Variants in RAVER2 observed in about 807,000 individuals in gnomAD.
RAVER2 encodes ribonucleoprotein, PTB binding 2, also known as ribonucleoprotein PTB-binding 2.
RAVER2 carries 46 observed loss-of-function variants against 78.1 expected under a neutral mutation model. That is an observed-to-expected ratio of 0.59 (90% CI 0.46 to 0.75). RAVER2 has a LOEUF of 0.75. Ranked by LOEUF, RAVER2 falls within the 30% of genes least tolerant of loss-of-function variation. The pLI, the probability that RAVER2 is intolerant of heterozygous loss-of-function variation, is 0.00. For missense variants in RAVER2, 793 were observed against 837.5 expected, an observed-to-expected ratio of 0.95 and a Z score of 0.66; for synonymous variants, 311 against 313.3, an observed-to-expected ratio of 0.99 and a Z score of 0.08.
chr1:64,781,121 A>G (rs1273979294), intron 3 of RAVER2, among the ~76,000 whole-genome samples: 1 of 152,220 alleles, frequency 6.6e-6, no homozygotes, highest in Non-Finnish European at 1.5e-5. Context: ...TATAGAGACT[A>G]TTACCATCTG....
chr1:64,791,097 A>G (rs896651877), intron 5 of RAVER2, among the ~76,000 whole-genome samples: 4 of 152,200 alleles, frequency 2.6e-5, no homozygotes, highest in African/African-American at 9.7e-5. Flanking sequence ...TTTTATTATA[A>G]AGAGCACAGG....
At chr1:64,791,715 A>C (rs1652946712) in intron 5 of RAVER2, among the ~76,000 whole-genome samples, 1 of 152,198 alleles carries the variant, frequency 6.6e-6, no homozygotes, top group Non-Finnish European at 1.5e-5. Flanking sequence ...GAAGGATTAG[A>C]AGCTCATTAC....
chr1:64,775,615 C>G (rs1371002542), intron 2 of RAVER2, among the ~76,000 whole-genome samples: 1 of 152,118 alleles, frequency 6.6e-6, no homozygotes, highest in Non-Finnish European at 1.5e-5. Context: ...CAGGAAGGCA[C>G]CCCAAGGAGT....
At chr1:64,774,010 C>G (rs1259999888) in intron 2 of RAVER2, among the ~76,000 whole-genome samples, 1 of 152,114 alleles carries the variant, frequency 6.6e-6, no homozygotes, top group Non-Finnish European at 1.5e-5. Flanking sequence ...TACCCTTTGC[C>G]CACTTTTTGA....
chr1:64,826,691 A>G (rs1654010427), intron 11 of RAVER2, among the ~76,000 whole-genome samples: 2 of 152,202 alleles, frequency 1.3e-5, no homozygotes, highest in African/African-American at 2.4e-5. Context: ...CTGTATTTAT[A>G]GTTTAACATG....
chr1:64,755,948 A>G (rs1299911469), intron 1 of RAVER2, among the ~76,000 whole-genome samples: 3 of 152,018 alleles, frequency 2.0e-5, no homozygotes, highest in Admixed American at 6.6e-5. Flanking sequence ...ATGTCCTACA[A>G]ACTAGGACAA....
At chr1:64,773,760 T>C (rs1338567398) in intron 2 of RAVER2, among the ~76,000 whole-genome samples, 1 of 152,228 alleles carries the variant, frequency 6.6e-6, no homozygotes, top group Non-Finnish European at 1.5e-5. Flanking sequence ...CGCCACACTG[T>C]ATTCCACAGT....
chr1:64,811,043 A>G (rs909272278), intron 9 of RAVER2, among the ~76,000 whole-genome samples: 5 of 152,236 alleles, frequency 3.3e-5, no homozygotes, highest in South Asian at 2.1e-4. Context: ...CTACCATAAC[A>G]TGTATACAAA....
intron 5 of RAVER2, among the ~76,000 whole-genome samples, chr1:64,796,921 A>G (rs1371293685): frequency 1.3e-5 from 2 of 151,914 alleles, no homozygotes; most frequent in African/African-American, 4.8e-5. Context: ...ACAAATTTTG[A>G]TATGTTATTT....
chr1:64,796,286 C>A (rs1231474175), intron 5 of RAVER2, among the ~76,000 whole-genome samples: 1 of 151,836 alleles, frequency 6.6e-6, no homozygotes, highest in Non-Finnish European at 1.5e-5. Context: ...TTATGCTGCC[C>A]TCATGGAATG....
At chr1:64,796,467 G>T (rs1317251924) in intron 5 of RAVER2, among the ~76,000 whole-genome samples, 1 of 152,024 alleles carries the variant, frequency 6.6e-6, no homozygotes, top group Non-Finnish European at 1.5e-5. Flanking sequence ...GCTATTTCAG[G>T]ATCTTGTTCT....
chr1:64,797,768 T>G (rs1267300473), intron 5 of RAVER2, among the ~76,000 whole-genome samples: 2 of 152,172 alleles, frequency 1.3e-5, no homozygotes, highest in Non-Finnish European at 2.9e-5. Context: ...TCTATCTATA[T>G]CTATATGTTT....
chr1:64,801,759 T>C (rs1653273649), intron 5 of RAVER2, among the ~76,000 whole-genome samples: 1 of 152,044 alleles, frequency 6.6e-6, no homozygotes. Flanking sequence ...CCCAGCTACT[T>C]GGGAGGCTGA....
intron 4 of RAVER2, among the ~76,000 whole-genome samples, chr1:64,788,287 A>G (rs1652838783): frequency 6.6e-6 from 1 of 151,902 alleles, no homozygotes; most frequent in Non-Finnish European, 1.5e-5. Flanking sequence ...CCTGGCTAAC[A>G]TGGTGAAACC....
At chr1:64,819,805 G>A (rs977452030) in intron 11 of RAVER2, among the ~76,000 whole-genome samples, 11 of 152,160 alleles carry the variant, frequency 7.2e-5, no homozygotes, top group African/African-American at 2.7e-4. Flanking sequence ...AACGTTTGGG[G>A]CTGAATAATT....
At chr1:64,755,542 A>T (rs1651828149) in intron 1 of RAVER2, among the ~76,000 whole-genome samples, 1 of 151,864 alleles carries the variant, frequency 6.6e-6, no homozygotes, top group African/African-American at 2.4e-5. Context: ...ACCCCACCCT[A>T]TCTGCTCTAC....
exon 12 of RAVER2, chr1:64,831,681 C>T (rs570195612): frequency 6.6e-6 from 1 of 152,332 alleles, no homozygotes; most frequent in South Asian, 2.1e-4. Flanking sequence ...TGGCAAACTA[C>T]ACCCTGGGTC....
intron 11 of RAVER2, chr1:64,815,837 A>G (rs546911804): frequency 6.6e-6 from 1 of 152,344 alleles, no homozygotes; most frequent in South Asian, 2.1e-4. Flanking sequence ...ACGGAAAAAT[A>G]TGGGTTGGGT....
Position 64,804,966 on chromosome 1 carries a change from CTT to C in RAVER2, c.1297-24_1297-23del, listed in dbSNP as rs746294838. On this transcript the variant is annotated intron_variant, in intron 7 of 11. Coordinates refer to ENST00000294428, the Ensembl canonical transcript of RAVER2. ...TAGGTTATATCTTATGGCCATGGGTCTTACCTTTTTTTCTTCTTTTGTAGAAA... is the reference window on the plus strand; with the variant it reads ...TAGGTTATATCTTATGGCCATGGGTCACCTTTTTTTCTTCTTTTGTAGAAA... 3 of 1,606,420 alleles carry C rather than the reference CTT, an allele frequency of 1.9e-6. No individual in the cohort carries two copies. The African/African-American group carries it at 4.0e-5, about 22-fold the overall frequency.
Sources: gnomAD v4.1 joint callset for allele counts (sites outside exome capture counted in the v4.1 genomes callset) on GRCh38, gnomAD v4.1.1 for gene constraint, MANE v1.5 for transcripts, NCBI Gene and HGNC (gene_info 2026-07-23, HGNC 2026-07-21) for gene names.